The following NDST3 variants were observed in gnomAD, a reference collection of about 807,000 sequenced individuals.
NDST3 encodes N-deacetylase and N-sulfotransferase 3, also known as bifunctional heparan sulfate N-deacetylase/N-sulfotransferase 3.
A neutral mutation model predicts 96.1 loss-of-function variants in NDST3; 58 were observed. The observed-to-expected ratio is 0.60, with a 90% CI of 0.49 to 0.75. The LOEUF is 0.75. NDST3 is among the 30% of genes least tolerant of loss of function. The pLI is 0.00. For synonymous variants in NDST3, 333 were observed against 359.7 expected (o/e 0.93, Z 0.84); for missense variants, 788 against 1,034.2 (o/e 0.76, Z 3.27).
intron 4 of NDST3, among the ~76,000 whole-genome samples, chr4:118,121,201 A>C (rs1264756458): frequency 6.6e-6 from 1 of 152,120 alleles, no homozygotes; most frequent in Non-Finnish European, 1.5e-5. Flanking sequence ...TGACTTTTGC[A>C]TCTTCAAGTT....
intron 6 of NDST3, among the ~76,000 whole-genome samples, chr4:118,206,268 T>C (rs1308906666): frequency 6.9e-6 from 1 of 145,088 alleles, no homozygotes; most frequent in South Asian, 2.3e-4. Context: ...CCAGTTATTA[T>C]AATAGAAGTA....
At chr4:118,148,890 C>T (rs1734161621) in intron 6 of NDST3, among the ~76,000 whole-genome samples, 1 of 152,126 alleles carries the variant, frequency 6.6e-6, no homozygotes, top group South Asian at 2.1e-4. Context: ...AATTCCTGGT[C>T]TAACGTTTAA....
chr4:118,239,405 G>T (rs1740875881), intron 10 of NDST3, among the ~76,000 whole-genome samples: 1 of 152,136 alleles, frequency 6.6e-6, no homozygotes, highest in Admixed American at 6.6e-5. Context: ...ATCCTGGAAA[G>T]CTAAGATCCA....
intron 12 of NDST3, among the ~76,000 whole-genome samples, chr4:118,245,949 G>A (rs1264140067): frequency 6.6e-6 from 1 of 152,102 alleles, no homozygotes; most frequent in African/African-American, 2.4e-5. Context: ...AACCTACATT[G>A]CCAACCTGTT....
At chr4:118,115,082 T>C (rs1730976363) in intron 4 of NDST3, 122 bp downstream of exon 4, 1 of 1,042,058 alleles carries the variant, frequency 9.6e-7, no homozygotes, top group Admixed American at 2.4e-5. Context: ...TGGAATATTT[T>C]GGTATTGCCG....
intron 1 of NDST3, among the ~76,000 whole-genome samples, chr4:118,040,550 G>A (rs1724384997): frequency 1.3e-5 from 2 of 152,000 alleles, no homozygotes; most frequent in Non-Finnish European, 2.9e-5. Flanking sequence ...ATCCCTTTAT[G>A]AACCCTTAGT....
intron 6 of NDST3, among the ~76,000 whole-genome samples, chr4:118,169,385 A>G (rs1578760123): frequency 1.3e-5 from 2 of 152,326 alleles, no homozygotes; most frequent in South Asian, 4.1e-4. Context: ...ATTTTTAAAA[A>G]TATACATCTA....
chr4:118,213,830 G>A (rs1739008676), intron 6 of NDST3, among the ~76,000 whole-genome samples: 1 of 151,448 alleles, frequency 6.6e-6, no homozygotes, highest in Admixed American at 6.6e-5. Flanking sequence ...TACCTTGACT[G>A]TATAATTTTT....
chr4:118,171,798 G>A (rs1735970975), intron 6 of NDST3, among the ~76,000 whole-genome samples: 1 of 152,128 alleles, frequency 6.6e-6, no homozygotes, highest in Admixed American at 6.5e-5. Context: ...CAAAAGGAGT[G>A]GGTTTGCCAC....
intron 8 of NDST3, among the ~76,000 whole-genome samples, 174 bp from the exon 9 acceptor site, chr4:118,232,838 A>G (rs1174283098): frequency 6.6e-6 from 1 of 152,102 alleles, no homozygotes; most frequent in Non-Finnish European, 1.5e-5. Context: ...CACTATCTCC[A>G]TTTTTTAGAA....
chr4:118,132,834 G>C (rs913333309), intron 4 of NDST3, among the ~76,000 whole-genome samples: 53 of 152,088 alleles, frequency 3.5e-4, no homozygotes, highest in Non-Finnish European at 7.4e-5. Context: ...TTTTGTCCTA[G>C]AGTATGTCAA....
At chr4:118,092,068 A>G (rs9307451) in intron 2 of NDST3, among the ~76,000 whole-genome samples, 3 of 28,850 alleles carry the variant, frequency 1.0e-4, no homozygotes, top group African/African-American at 1.2e-4. Context: ...TTATTTATTT[A>G]TTTATTTATT....
intron 1 of NDST3, among the ~76,000 whole-genome samples, chr4:118,049,057 A>G (rs908999869): frequency 2.0e-5 from 3 of 152,150 alleles, no homozygotes; most frequent in African/African-American, 4.8e-5. Context: ...TAAAAAATCA[A>G]TATCAAGAAG....
At chr4:118,108,533 A>G (rs545618097) in intron 3 of NDST3, among the ~76,000 whole-genome samples, 45 of 152,288 alleles carry the variant, frequency 3.0e-4, no homozygotes, top group Non-Finnish European at 5.1e-4. Context: ...CATGCTGAGA[A>G]TTCTATCTAT....
chr4:118,035,822 G>T (rs1388379543), intron 1 of NDST3, among the ~76,000 whole-genome samples: 1 of 151,798 alleles, frequency 6.6e-6, no homozygotes, highest in Non-Finnish European at 1.5e-5. Flanking sequence ...TTTTGAGCTT[G>T]TCACATGAGT....
chr4:118,121,952 C>T (rs905531161), intron 4 of NDST3, among the ~76,000 whole-genome samples: 1 of 152,160 alleles, frequency 6.6e-6, no homozygotes, highest in Non-Finnish European at 1.5e-5. Context: ...ACCTTCTTTT[C>T]CATCCTATGG....
At chr4:118,194,975 T>C (rs1476981947) in intron 6 of NDST3, among the ~76,000 whole-genome samples, 1 of 152,212 alleles carries the variant, frequency 6.6e-6, no homozygotes, top group Non-Finnish European at 1.5e-5. Flanking sequence ...CTTTGACTAT[T>C]CTGGATCTTT....
At chr4:118,167,917 G>T (rs1420574642) in intron 6 of NDST3, among the ~76,000 whole-genome samples, 2 of 151,836 alleles carry the variant, frequency 1.3e-5, no homozygotes, top group Non-Finnish European at 2.9e-5. Context: ...ATTTAAAATG[G>T]ATTAAAGACT....
chr4:118,229,170 G>A (rs1005498451), intron 8 of NDST3, among the ~76,000 whole-genome samples: 9 of 152,126 alleles, frequency 5.9e-5, no homozygotes, highest in South Asian at 2.1e-4. Context: ...GCGTGGTGGC[G>A]TGCACCTGTA....
Sources: gnomAD v4.1 joint callset for allele counts (sites outside exome capture counted in the v4.1 genomes callset) on GRCh38, gnomAD v4.1.1 for gene constraint, MANE v1.5 for transcripts, NCBI Gene and HGNC (gene_info 2026-07-23, HGNC 2026-07-21) for gene names.